The following ANKIB1 variants were observed in gnomAD, a reference collection of about 807,000 sequenced individuals.
ANKIB1 encodes the protein ankyrin repeat and IBR domain-containing protein 1.
In ANKIB1, 43 loss-of-function variants were observed where a neutral mutation model predicts 122.1. The ratio of observed to expected loss-of-function variants is 0.35; its 90% CI spans 0.28 to 0.45. The LOEUF is 0.45. ANKIB1 is among the 20% of genes least tolerant of loss of function. The probability of loss-of-function intolerance (pLI) is 1.00; values close to 1 mark genes in which losing one functional copy is unlikely to be tolerated. For missense variants in ANKIB1, 992 were observed against 1,329.5 expected (o/e 0.75, Z 3.95); for synonymous variants, 390 against 442.0 (o/e 0.88, Z 1.48).
intron 4 of ANKIB1, among the ~76,000 whole-genome samples, chr7:92,327,487 C>T (rs1216278504): frequency 6.6e-6 from 1 of 152,154 alleles, no homozygotes. Flanking sequence ...TATGCATATC[C>T]TCCCATATAC....
chr7:92,331,784 C>G (rs1334593740), intron 5 of ANKIB1, among the ~76,000 whole-genome samples: 1 of 152,086 alleles, frequency 6.6e-6, no homozygotes, highest in Non-Finnish European at 1.5e-5. Flanking sequence ...GTGGCCATAC[C>G]TAACTGCAAA....
At chr7:92,347,141 C>G (rs1009137977) in intron 7 of ANKIB1, among the ~76,000 whole-genome samples, 2 of 152,208 alleles carry the variant, frequency 1.3e-5, no homozygotes, top group Non-Finnish European at 2.9e-5. Context: ...TCTTATTCTT[C>G]CCAAACTTTT....
intron 10 of ANKIB1, among the ~76,000 whole-genome samples, chr7:92,365,870 C>T (rs1439359825): frequency 1.5e-5 from 2 of 131,302 alleles, no homozygotes; most frequent in African/African-American, 5.9e-5. Flanking sequence ...GATCTCGGCT[C>T]ACTGCAAGCT....
In ANKIB1 at chr7:92,246,259, G is replaced by A; in HGVS notation, c.-351G>A. The A allele has an allele frequency of 2.6e-6, 1 of 389,004 alleles. No individual in the cohort carries two copies. Among genetic ancestry groups the A allele is most frequent in the South Asian group, 1.8e-5 (1 of 55,926 alleles). 24.1% of individuals were successfully genotyped at this position (389,004 alleles called of 1,614,324 possible). ...CGCAGCGGCCGGAGAGGGATGGGGG[G>A]CGCCCACCCAGTCTGAGCCTCGCCG... is the stretch of plus-strand genomic sequence containing the variant. On this transcript the variant is annotated 5_prime_UTR_variant, in exon 1 of 20. Transcript: ENST00000265742.
intron 3 of ANKIB1, among the ~76,000 whole-genome samples, 180 bp downstream of exon 3, chr7:92,307,836 A>T (rs1434892677): frequency 1.1e-5 from 1 of 89,972 alleles, no homozygotes; most frequent in African/African-American, 5.1e-5. Context: ...TTTTTTTGAG[A>T]CAGAGTCTTG....
rs1391242521 is a variant in ANKIB1 at position 92,391,276 on chromosome 7, G to A, written c.2163G>A (p.Arg721=). The change falls in exon 16 of 20, where the codon AGG becomes AGA. Residue 721 remains arginine (R), a synonymous_variant. Coordinates refer to ENST00000265742, the MANE Select transcript of ANKIB1 (RefSeq NM_019004.2). ...IKAACLVQQK[R]QEFLASVARG... ...CAGCATGCCTTGTACAGCAGAAGAG[G>A]CAAGAATTCCTGGCATCTGTGGCTC... The A allele has an allele frequency of 6.2e-7, 1 of 1,613,482 alleles. No individual in the cohort carries two copies. The highest frequency in any genetic ancestry group is 1.7e-5 in the Admixed American group (1 of 59,962).
intron 4 of ANKIB1, chr7:92,325,888 T>C: frequency 4.6e-6 from 2 of 434,788 alleles, no homozygotes; most frequent in Non-Finnish European, 9.1e-6. Context: ...TTATTCACGT[T>C]TCTTTTTAAT....
At chr7:92,288,378 C>G (rs1477602649) in intron 1 of ANKIB1, among the ~76,000 whole-genome samples, 2 of 152,262 alleles carry the variant, frequency 1.3e-5, no homozygotes, top group Middle Eastern at 3.4e-3. Context: ...ATACCATGTT[C>G]ATGGATTAGG....
chr7:92,320,364 A>C (rs1802880706), intron 4 of ANKIB1, among the ~76,000 whole-genome samples: 1 of 152,154 alleles, frequency 6.6e-6, no homozygotes, highest in Admixed American at 6.5e-5. Context: ...ACATGTTGCC[A>C]AATTTAGTAG....
chr7:92,386,000 T>A (rs1804634333), intron 11 of ANKIB1, among the ~76,000 whole-genome samples: 1 of 152,346 alleles, frequency 6.6e-6, no homozygotes, highest in East Asian at 1.9e-4. Context: ...TCATACTGAA[T>A]GCTCATATTT....
At chr7:92,302,825 AC>A (rs1374781311) in intron 2 of ANKIB1, among the ~76,000 whole-genome samples, 4 of 151,478 alleles carry the variant, frequency 2.6e-5, no homozygotes, top group Non-Finnish European at 4.4e-5. Context: ...TCCTCTCCCA[AC>A]CCCCCTTATC....
chr7:92,247,418 A>G (rs1482052946), intron 1 of ANKIB1, among the ~76,000 whole-genome samples: 2 of 152,256 alleles, frequency 1.3e-5, no homozygotes, highest in African/African-American at 2.4e-5. Context: ...AGACGTTTAA[A>G]GATCATATTA....
chr7:92,286,163 C>T (rs1222319016), intron 1 of ANKIB1, among the ~76,000 whole-genome samples: 1 of 152,090 alleles, frequency 6.6e-6, no homozygotes, highest in Non-Finnish European at 1.5e-5. Flanking sequence ...AATGTTGGAC[C>T]TGATTACCAG....
chr7:92,273,654 G>T (rs1029566017), intron 1 of ANKIB1, among the ~76,000 whole-genome samples: 3 of 152,226 alleles, frequency 2.0e-5, no homozygotes, highest in African/African-American at 7.2e-5. Context: ...AGTCTGCCAG[G>T]CAGGAGAGTA....
intron 10 of ANKIB1, among the ~76,000 whole-genome samples, chr7:92,367,231 T>C (rs1432611778): frequency 6.6e-6 from 1 of 152,186 alleles, no homozygotes; most frequent in East Asian, 1.9e-4. Context: ...AAGCCAAGGC[T>C]GCAGAGAAAG....
intron 3 of ANKIB1, among the ~76,000 whole-genome samples, chr7:92,309,430 C>A (rs955721779): frequency 1.3e-5 from 2 of 152,022 alleles, no homozygotes; most frequent in African/African-American, 4.8e-5. Context: ...GGAAGAATCT[C>A]CTAGGATTTG....
intron 5 of ANKIB1, among the ~76,000 whole-genome samples, chr7:92,335,285 G>T (rs535010000): frequency 2.0e-5 from 3 of 151,988 alleles, no homozygotes; most frequent in African/African-American, 4.8e-5. Flanking sequence ...TTTGAAATTT[G>T]TTGAGGCTTG....
intron 1 of ANKIB1, among the ~76,000 whole-genome samples, chr7:92,288,995 C>T (rs1490352439): frequency 6.6e-6 from 1 of 152,162 alleles, no homozygotes; most frequent in Non-Finnish European, 1.5e-5. Flanking sequence ...GTACATATCC[C>T]AGCAGTTCCA....
In ANKIB1 at chr7:92,398,200, C is replaced by G; in HGVS notation, c.2533-12C>G. The G allele has an allele frequency of 6.4e-7, 1 of 1,555,114 alleles. No homozygotes were observed. Among genetic ancestry groups the G allele is most frequent in the East Asian group, 2.3e-5 (1 of 44,178 alleles). ...TCAAATTTTAAAGTGGTTTTGCTTT[C>G]TGTTGCTTCAGGCTCTGAGTTCCTT... is the stretch of plus-strand genomic sequence containing the variant. On this transcript the variant is annotated splice_polypyrimidine_tract_variant and intron_variant, in intron 19 of 19. Transcript: ENST00000265742.
Sources: allele counts gnomAD v4.1 joint callset (sites outside exome capture counted in the v4.1 genomes callset), GRCh38; gene constraint gnomAD v4.1.1; transcripts MANE v1.5; gene names NCBI Gene and HGNC (gene_info 2026-07-23, HGNC 2026-07-21).